Variants in SPINK8 observed in about 807,000 individuals in gnomAD.
The protein encoded by SPINK8 is serine peptidase inhibitor Kazal type 8 (putative).
In SPINK8, 12 loss-of-function variants were observed where a neutral mutation model predicts 14.4. The ratio of observed to expected loss-of-function variants is 0.83; its 90% CI spans 0.53 to 1.35. The LOEUF (loss-of-function observed/expected upper bound fraction) is 1.35, where lower values mean the gene tolerates loss of function less well. Ranked by LOEUF, SPINK8 falls within the 40% of genes most tolerant of loss-of-function variation. The pLI, the probability that SPINK8 is intolerant of heterozygous loss-of-function variation, is 0.00. For missense variants in SPINK8, 103 were observed against 117.0 expected, an observed-to-expected ratio of 0.88 and a Z score of 0.55; for synonymous variants, 32 against 37.6, an observed-to-expected ratio of 0.85 and a Z score of 0.55.
chr3:48,328,278 T>C lies in SPINK8; in HGVS notation c.64A>G (p.Ile22Val), dbSNP rs760291243. ...LATSMWMAFAIDFPLPMASER... is the reference protein window; with the variant it reads ...LATSMWMAFAVDFPLPMASER... ...AGAGCAAGGACACATAACTCACCAA[T>C]TGCAAAGGCCATCCACATGGAGGTA... Residue 22 changes from isoleucine (I) to valine (V), a missense_variant, in exon 4 of 8, where the codon ATT becomes GTT. Ile to Val is a conservative substitution (Grantham distance 29). Transcript: ENST00000434006. 2.3e-5 allele frequency: 37 copies of C among 1,609,460 alleles called. No homozygotes were observed. Among genetic ancestry groups the C allele is most frequent in the Non-Finnish European group, 2.8e-5 (33 of 1,177,908 alleles).
chr3:48,310,365 C>A (rs2107081241), intron 6 of SPINK8, among the ~76,000 whole-genome samples: 1 of 152,004 alleles, frequency 6.6e-6, no homozygotes. Flanking sequence ...TAGAAACACA[C>A]AAATTATCAA....
intron 5 of SPINK8, 54 bp downstream of exon 5, chr3:48,320,971 C>A (rs1189960861): frequency 1.9e-6 from 3 of 1,547,444 alleles, no homozygotes; most frequent in Middle Eastern, 3.4e-4. Context: ...GGCTTTTGGG[C>A]AAACTGGCTC....
chr3:48,331,090 C>T (rs2036254610), intron 2 of SPINK8, among the ~76,000 whole-genome samples: 1 of 152,132 alleles, frequency 6.6e-6, no homozygotes, highest in African/African-American at 2.4e-5. Flanking sequence ...TGTAGTTTTA[C>T]AGCTTTGATT....
chr3:48,314,476 T>C (rs2035960759), intron 6 of SPINK8, among the ~76,000 whole-genome samples: 1 of 152,172 alleles, frequency 6.6e-6, no homozygotes, highest in South Asian at 2.1e-4. Flanking sequence ...TCCATGGTAG[T>C]AATGAAAAAC....
intron 5 of SPINK8, among the ~76,000 whole-genome samples, chr3:48,320,012 C>T (rs2036050893): frequency 1.3e-5 from 2 of 151,872 alleles, no homozygotes; most frequent in African/African-American, 2.4e-5. Flanking sequence ...CGCCTGTAGT[C>T]CCAGCTGCTG....
At chr3:48,319,714 C>A (rs1035601334) in intron 5 of SPINK8, 96 bp from the exon 6 acceptor site, 24 of 1,524,622 alleles carry the variant, frequency 1.6e-5, no homozygotes, top group Non-Finnish European at 2.0e-5. Context: ...AATACGAGCA[C>A]CAGATCAGGA....
At chr3:48,325,239 T>C (rs897371422) in intron 4 of SPINK8, among the ~76,000 whole-genome samples, 12 of 152,190 alleles carry the variant, frequency 7.9e-5, no homozygotes, top group Non-Finnish European at 1.3e-4. Flanking sequence ...TTGTTCAGTC[T>C]GACAGTTTAT....
intron 7 of SPINK8, among the ~76,000 whole-genome samples, chr3:48,307,718 G>A (rs1330617808): frequency 6.6e-6 from 1 of 151,964 alleles, no homozygotes; most frequent in Non-Finnish European, 1.5e-5. Context: ...TCTCATTTGA[G>A]TTCATTCAAG....
intron 4 of SPINK8, among the ~76,000 whole-genome samples, chr3:48,324,555 C>T (rs949252655): frequency 6.6e-6 from 1 of 152,120 alleles, no homozygotes; most frequent in African/African-American, 2.4e-5. Context: ...CCACTCACCC[C>T]CTTTGTGCTA....
chr3:48,318,534 C>A (rs116771642), intron 6 of SPINK8, among the ~76,000 whole-genome samples: 2,881 of 152,304 alleles, frequency 0.019, 75 homozygotes, highest in African/African-American at 0.065. Flanking sequence ...TGTCATGCTG[C>A]GCATTCCCCA....
intron 4 of SPINK8, among the ~76,000 whole-genome samples, chr3:48,325,989 T>C (rs1204686065): frequency 6.6e-6 from 1 of 151,616 alleles, no homozygotes; most frequent in East Asian, 1.9e-4. Flanking sequence ...ACTCTCAGTC[T>C]GCCTCACCTG....
chr3:48,325,809 G>A (rs534681746), intron 4 of SPINK8, among the ~76,000 whole-genome samples: 1 of 152,066 alleles, frequency 6.6e-6, no homozygotes, highest in East Asian at 1.9e-4. Flanking sequence ...AGTTGGTCAG[G>A]CTGGTCTCAA....
At chr3:48,317,351 G>A (rs2036006852) in intron 6 of SPINK8, among the ~76,000 whole-genome samples, 1 of 152,114 alleles carries the variant, frequency 6.6e-6, no homozygotes, top group African/African-American at 2.4e-5. Context: ...AGCTAGGTGT[G>A]TTGGTGTGCG....
chr3:48,323,424 T>C (rs2036101373), intron 4 of SPINK8, among the ~76,000 whole-genome samples: 2 of 152,196 alleles, frequency 1.3e-5, no homozygotes, highest in African/African-American at 4.8e-5. Context: ...TTGGTATCAT[T>C]TGAATCACAA....
At position 48,319,393 on chromosome 3, in the gene SPINK8, A is replaced by G. The variant is rs1189581599; in HGVS notation, c.239+104T>C. On this transcript the variant is annotated intron_variant, in intron 6 of 7. Coordinates refer to ENST00000434006, the MANE Select transcript of SPINK8 (RefSeq NM_001080525.3). ...AATACTGGAGGAATGTCTGGAGAGA[A>G]GGTCTCATTGGATGATGTAGGAAGT... 2.3e-6 allele frequency: 3 copies of G among 1,303,546 alleles called. No individual in the cohort carries two copies. In the African/African-American group the frequency reaches 4.4e-5, roughly 19 times the overall value. The allele number at this position is 1,303,546 out of a possible 1,614,324, so 80.7% of individuals were successfully genotyped here.
intron 2 of SPINK8, among the ~76,000 whole-genome samples, chr3:48,332,081 G>A (rs907318147): frequency 9.2e-5 from 14 of 152,132 alleles, no homozygotes; most frequent in African/African-American, 2.4e-4. Flanking sequence ...ATTTCTATTC[G>A]GACAATCTTT....
intron 6 of SPINK8, among the ~76,000 whole-genome samples, chr3:48,310,343 T>C (rs1018587272): frequency 6.6e-6 from 1 of 152,058 alleles, no homozygotes; most frequent in African/African-American, 2.4e-5. Context: ...CTGGATGAAA[T>C]GAACAAATTC....
intron 6 of SPINK8, 56 bp downstream of exon 6, chr3:48,319,441 T>C: frequency 6.2e-7 from 1 of 1,605,954 alleles, no homozygotes; most frequent in East Asian, 2.2e-5. Flanking sequence ...TCACCCTCTT[T>C]TGACCACTCT....
intron 4 of SPINK8, among the ~76,000 whole-genome samples, chr3:48,323,950 G>A (rs1184517706): frequency 7.0e-6 from 1 of 143,182 alleles, no homozygotes; most frequent in African/African-American, 2.5e-5. Flanking sequence ...TTTTTTTTGA[G>A]GTCTATTTTG....
Sources: gnomAD v4.1 joint callset for allele counts (sites outside exome capture counted in the v4.1 genomes callset) on GRCh38, gnomAD v4.1.1 for gene constraint, MANE v1.5 for transcripts, NCBI Gene and HGNC (gene_info 2026-07-23, HGNC 2026-07-21) for gene names.